DDX18: variants seen among roughly 807,000 people sequenced by gnomAD.
The protein encoded by DDX18 is DEAD-box helicase 18.
In DDX18, 23 loss-of-function variants were observed where a neutral mutation model predicts 73.5. The ratio of observed to expected loss-of-function variants is 0.31; its 90% CI spans 0.23 to 0.44. DDX18 has a LOEUF of 0.44. Ranked by LOEUF, DDX18 falls within the 20% of genes least tolerant of loss-of-function variation. The pLI, the probability that DDX18 is intolerant of heterozygous loss-of-function variation, is 1.00. For synonymous variants in DDX18, 268 were observed against 282.7 expected (o/e 0.95, Z 0.52); for missense variants, 753 against 792.9 (o/e 0.95, Z 0.60).
At position 117,821,630 on chromosome 2, in the gene DDX18, T is replaced by A. The variant is rs1679848513; in HGVS notation, c.651-20T>A. The A allele has an allele frequency of 6.2e-7, 1 of 1,613,178 alleles. No individual in the cohort carries two copies. Among genetic ancestry groups the A allele is most frequent in the South Asian group, 1.1e-5 (1 of 91,060 alleles). ...ATGAGTAGGCTAAATGTCTTTCTCC[T>A]TTCCCTTTTTAATATTTAGGGATCT... On this transcript the variant is annotated intron_variant, in intron 4 of 13. Transcript: ENST00000263239.
intron 7 of DDX18, chr2:117,822,488 C>G (rs17047456): frequency 0.011 from 4,821 of 432,838 alleles, 203 homozygotes; most frequent in African/African-American, 0.087. Context: ...GCAGTCTTCA[C>G]ATAGGTCCTG....
At chr2:117,827,550 A>G (rs1679954070) in intron 11 of DDX18, 1 of 126,916 alleles carries the variant, frequency 7.9e-6, no homozygotes, top group South Asian at 2.6e-4. Context: ...AAGTGTTCTC[A>G]TTGTTCATTT....
intron 3 of DDX18, among the ~76,000 whole-genome samples, chr2:117,820,906 C>T (rs560844623): frequency 3.3e-5 from 5 of 151,744 alleles, no homozygotes; most frequent in Non-Finnish European, 7.4e-5. Flanking sequence ...TATATAAATT[C>T]CTTGGTTATA....
intron 4 of DDX18, 28 bp from the exon 5 acceptor site, chr2:117,821,622 C>G (rs1225053909): frequency 6.2e-7 from 1 of 1,612,330 alleles, no homozygotes; most frequent in South Asian, 1.1e-5. Context: ...GGCTAAATGT[C>G]TTTCTCCTTT....
chr2:117,830,340 ATAAT>A (rs755520829), intron 13 of DDX18, among the ~76,000 whole-genome samples: 2 of 152,258 alleles, frequency 1.3e-5, no homozygotes, highest in Admixed American at 6.5e-5. Context: ...TGTGGAAGAA[ATAAT>A]TAATATGACT....
intron 2 of DDX18, among the ~76,000 whole-genome samples, chr2:117,818,688 G>T (rs1379297514): frequency 2.6e-5 from 4 of 152,008 alleles, no homozygotes; most frequent in Non-Finnish European, 4.4e-5. Flanking sequence ...TTGTTTGTTT[G>T]TTTGTTTGTT....
Position 117,814,706 on chromosome 2 carries a change from G to T in DDX18, c.-72G>T, listed in dbSNP as rs968668670. The T allele has an allele frequency of 1.3e-6, 2 of 1,490,952 alleles. No individual in the cohort carries two copies. The highest frequency in any genetic ancestry group is 1.8e-6 in the Non-Finnish European group (2 of 1,081,540). The allele number at this position is 1,490,952 out of a possible 1,614,324, so 92.4% of individuals were successfully genotyped here. The stretch of plus-strand genomic sequence containing the variant: ...CGAGCTGCGCACGTGCGGCCGGAAG[G>T]GAAGTAACGTCAGCCTGAGAACTGA... On this transcript the variant is annotated 5_prime_UTR_variant, in exon 1 of 14. Transcript: ENST00000263239.
At position 117,829,427 on chromosome 2, in the gene DDX18, C is replaced by G. The variant is rs374422373; in HGVS notation, c.1831C>G (p.Leu611Val). Reference protein sequence around the residue: ...VNNLNLPQVALSFGFKVPPFV... With the variant: ...VNNLNLPQVAVSFGFKVPPFV... The stretch of plus-strand genomic sequence containing the variant: ...TAACCTAAATTTGCCTCAGGTTGCT[C>G]TGTCATTTGGTTTCAAGGTGCCTCC... The change falls in exon 13 of 14, where the codon CTG (leucine) becomes GTG (valine). Residue 611 changes from leucine (L) to valine (V), a missense_variant. By Grantham distance (32) the Leu-to-Val change is conservative. Transcript: ENST00000263239. 22 of 1,613,246 alleles carry G rather than the reference C, an allele frequency of 1.4e-5. No individual in the cohort carries two copies. Among genetic ancestry groups the G allele is most frequent in the East Asian group, 2.2e-5 (1 of 44,882 alleles).
At chr2:117,827,900 A>G (rs1459651330) in intron 11 of DDX18, 1 of 152,250 alleles carries the variant, frequency 6.6e-6, no homozygotes, top group Non-Finnish European at 1.5e-5. Context: ...AGGAATCGTC[A>G]CACTGTCTTC....
intron 12 of DDX18, 73 bp from the exon 13 acceptor site, chr2:117,829,216 T>G (rs1679980750): frequency 6.8e-7 from 1 of 1,470,056 alleles, no homozygotes; most frequent in Non-Finnish European, 9.2e-7. Flanking sequence ...TGCTCTAGGA[T>G]ATTTAAAATC....
In DDX18 at chr2:117,830,661, G is replaced by A. The variant is rs1680007816; in HGVS notation, c.1950G>A (p.Glu650=). 1.2e-6 allele frequency: 2 copies of A among 1,613,718 alleles called. No individual in the cohort carries two copies. The change falls in exon 14 of 14, where the codon GAG becomes GAA. Residue 650 remains glutamate (E), a synonymous_variant. Transcript: ENST00000263239. ...GFGYQKTKKV[E]KSKIFKHISK... ...GCTACCAGAAAACCAAGAAAGTTGA[G>A]AAATCCAAAATCTTTAAACACATTA...
intron 1 of DDX18, 168 bp downstream of exon 1, chr2:117,815,030 C>A: frequency 1.5e-6 from 1 of 646,620 alleles, no homozygotes; most frequent in Non-Finnish European, 2.7e-6. Context: ...CGCTGCTGCC[C>A]ACTCGTCGCG....
chr2:117,822,162 A>G lies in DDX18; in HGVS notation c.967A>G (p.Met323Val). 3 of 1,613,888 alleles carry G rather than the reference A, an allele frequency of 1.9e-6. No homozygotes were observed. The highest frequency in any genetic ancestry group is 2.5e-6 in the Non-Finnish European group (3 of 1,179,814). ...GTTTTGTTAGAATACCCCAGGATTT[A>G]TGTATAAAAACCTGCAGTGTCTGGT... ...LDHMQNTPGFMYKNLQCLVID... is the reference protein window; with the variant it reads ...LDHMQNTPGFVYKNLQCLVID... Residue 323 changes from methionine (M) to valine (V), a missense_variant, in exon 7 of 14, where the codon ATG (methionine) becomes GTG (valine). Coordinates refer to ENST00000263239, the MANE Select transcript of DDX18 (RefSeq NM_006773.4).
At chr2:117,822,539 C>T (rs1448380526) in intron 7 of DDX18, 2 of 322,070 alleles carry the variant, frequency 6.2e-6, no homozygotes, top group African/African-American at 2.1e-5. Context: ...CTAACATCCC[C>T]CAAGAAGCCG....
Position 117,826,249 on chromosome 2 carries a change from AT to A in DDX18, c.1522-16del, listed in dbSNP as rs1679926705. The A allele has an allele frequency of 5.0e-6, 8 of 1,607,594 alleles. No homozygotes were observed. The highest frequency in any genetic ancestry group is 6.0e-6 in the Non-Finnish European group (7 of 1,175,866). The stretch of plus-strand genomic sequence containing the variant: ...TGTGGAAGTCACTGCGTTAACTCAG[AT>A]TTTCTTTCTCCACCAAAGGAATATA... On this transcript the variant is annotated intron_variant, in intron 10 of 13. Transcript: ENST00000263239.
chr2:117,829,445 G>A lies in DDX18; in HGVS notation c.1849G>A (p.Val617Met), dbSNP rs755981482. The change falls in exon 13 of 14, where the codon GTG (valine) becomes ATG (methionine). Residue 617 changes from valine (V) to methionine (M), a missense_variant. By Grantham distance (21) the Val-to-Met change is conservative. Transcript: ENST00000263239. Reference sequence around the variant, plus strand: ...GGTTGCTCTGTCATTTGGTTTCAAGGTGCCTCCCTTCGTTGATCTGAGTAT... The same window carrying A: ...GGTTGCTCTGTCATTTGGTTTCAAGATGCCTCCCTTCGTTGATCTGAGTAT... The part of the protein sequence containing the change: ...PQVALSFGFK[V>M]PPFVDLNVNS... The A allele has an allele frequency of 5.6e-6, 9 of 1,610,266 alleles. No homozygotes were observed. In the Admixed American group the frequency reaches 1.2e-4, roughly 21 times the overall value.
chr2:117,825,491 C>T lies in DDX18; in HGVS notation c.1413C>T (p.Phe471=). ...AGCGTACAACCACATTCTTCCAGTTCTGCAATGCAGATTCGGGAACACTAT... is the reference window on the plus strand; with the variant it reads ...AGCGTACAACCACATTCTTCCAGTTTTGCAATGCAGATTCGGGAACACTAT... The part of the protein sequence containing the change: ...QNKRTTTFFQ[F]CNADSGTLLC... The change falls in exon 10 of 14, where the codon TTC becomes TTT. Residue 471 remains phenylalanine (F), a synonymous_variant. Coordinates refer to ENST00000263239, the MANE Select transcript of DDX18 (RefSeq NM_006773.4). 1 of 1,614,148 alleles carries T rather than the reference C, an allele frequency of 6.2e-7. No individual in the cohort carries two copies. The highest frequency in any genetic ancestry group is 8.5e-7 in the Non-Finnish European group (1 of 1,180,008).
In DDX18 at chr2:117,821,949, A is replaced by G. The variant is rs1292959376; in HGVS notation, c.839A>G (p.His280Arg). 1 of 1,614,112 alleles carries G rather than the reference A, an allele frequency of 6.2e-7. No homozygotes were observed. Among genetic ancestry groups the G allele is most frequent in the Middle Eastern group, 1.6e-4 (1 of 6,062 alleles). ...VLKELMTHHV[H>R]TYGLIMGGSN... Reference sequence around the variant, plus strand: ...AAGGAGCTGATGACTCACCACGTGCATACCTATGGCTTGATAATGGGTGGC... The same window carrying G: ...AAGGAGCTGATGACTCACCACGTGCGTACCTATGGCTTGATAATGGGTGGC... The change falls in exon 6 of 14, where the codon CAT becomes CGT. Residue 280 changes from histidine to arginine, a missense_variant. By Grantham distance (29) the His-to-Arg change is conservative (BLOSUM62 0). Around this residue, in one of 3 missense-constraint regions of DDX18, gnomAD observed 345 missense variants for 352.0 expected, o/e 0.98. Transcript: ENST00000263239.
rs1284149005 is a variant in DDX18 at position 117,826,293 on chromosome 2, A to G, written c.1546A>G (p.Thr516Ala). 6.2e-7 allele frequency: 1 copy of G among 1,613,958 alleles called. No homozygotes were observed. Among genetic ancestry groups the G allele is most frequent in the Middle Eastern group, 1.7e-4 (1 of 6,044 alleles). The change falls in exon 11 of 14, where the codon ACA (threonine) becomes GCA (alanine). Residue 516 changes from threonine (T) to alanine (A), a missense_variant. Coordinates refer to ENST00000263239, the MANE Select transcript of DDX18 (RefSeq NM_006773.4). ...GGAATATATTCATCGTGTGGGTAGA[A>G]CAGCCAGAGGCCTAAATGGGAGAGG... ...PKEYIHRVGRTARGLNGRGHA... is the reference protein window; with the variant it reads ...PKEYIHRVGRAARGLNGRGHA...
Sources: gnomAD v4.1 joint callset for allele counts (sites outside exome capture counted in the v4.1 genomes callset) on GRCh38, gnomAD v4.1.1 for gene constraint, gnomAD v4.1.1 regional missense constraint, MANE v1.5 for transcripts, NCBI Gene and HGNC (gene_info 2026-07-23, HGNC 2026-07-21) for gene names.